ACVR1: variants seen among roughly 807,000 people sequenced by gnomAD.
ACVR1 encodes activin receptor type-1.
A neutral mutation model predicts 57.1 loss-of-function variants in ACVR1; 38 were observed. The ratio of observed to expected loss-of-function variants is 0.67; its 90% CI spans 0.51 to 0.87. The LOEUF (loss-of-function observed/expected upper bound fraction) is 0.87, where lower values mean the gene tolerates loss of function less well. Among genes scored for constraint, ACVR1 ranks in the 40% least tolerant of loss-of-function variants. ACVR1 has a pLI of 0.00. For missense variants in ACVR1, 463 were observed against 638.2 expected, an observed-to-expected ratio of 0.73 and a Z score of 2.96; for synonymous variants, 212 against 228.1, an observed-to-expected ratio of 0.93 and a Z score of 0.63.
chr2:157,758,638 A>C (rs535597754), intron 9 of ACVR1, among the ~76,000 whole-genome samples: 1 of 152,134 alleles, frequency 6.6e-6, no homozygotes, highest in African/African-American at 2.4e-5. Flanking sequence ...AGCACTGAAC[A>C]GATCATCTAG....
intron 3 of ACVR1, among the ~76,000 whole-genome samples, chr2:157,788,940 T>G (rs1477393937): frequency 2.6e-5 from 4 of 152,216 alleles, no homozygotes; most frequent in African/African-American, 9.6e-5. Flanking sequence ...AGGAATCCCA[T>G]GTCTTCAACC....
chr2:157,747,484 A>T (rs1685016912), intron 9 of ACVR1, among the ~76,000 whole-genome samples: 3 of 152,246 alleles, frequency 2.0e-5, no homozygotes, highest in African/African-American at 7.2e-5. Context: ...CATTTAAAAT[A>T]AAAACAGCCT....
chr2:157,790,462 T>A (rs974769573), intron 3 of ACVR1, among the ~76,000 whole-genome samples: 9 of 152,120 alleles, frequency 5.9e-5, no homozygotes, highest in Non-Finnish European at 1.0e-4. Context: ...TTATTGACAC[T>A]CCATGGCAAC....
intron 7 of ACVR1, among the ~76,000 whole-genome samples, chr2:157,767,940 A>G (rs1323813608): frequency 6.6e-6 from 1 of 152,178 alleles, no homozygotes; most frequent in Non-Finnish European, 1.5e-5. Context: ...TTTATATGCA[A>G]TCCTCCAAAA....
At chr2:157,759,842 C>T (rs1685574878) in intron 9 of ACVR1, among the ~76,000 whole-genome samples, 2 of 152,062 alleles carry the variant, frequency 1.3e-5, no homozygotes, top group South Asian at 2.1e-4. Context: ...AGACAAAAAC[C>T]TCATGATCAT....
At chr2:157,772,943 C>A (rs1485063593) in intron 6 of ACVR1, among the ~76,000 whole-genome samples, 1 of 152,234 alleles carries the variant, frequency 6.6e-6, no homozygotes, top group Non-Finnish European at 1.5e-5. Flanking sequence ...CTCTGCCCTT[C>A]CCCGTTTCTA....
At chr2:157,742,749 G>A (rs1411962086) in intron 9 of ACVR1, among the ~76,000 whole-genome samples, 4 of 152,070 alleles carry the variant, frequency 2.6e-5, no homozygotes, top group Non-Finnish European at 5.9e-5. Flanking sequence ...AGCATGAAAC[G>A]CCAGTAGCCT....
At chr2:157,737,765 G>C (rs1454555852) in intron 10 of ACVR1, 100 bp from the exon 11 acceptor site, 3 of 1,491,170 alleles carry the variant, frequency 2.0e-6, no homozygotes, top group African/African-American at 2.8e-5. Context: ...GAACTCGCAG[G>C]TCTTGTGAAA....
chr2:157,856,868 C>T (rs940842328), intron 1 of ACVR1, among the ~76,000 whole-genome samples: 2 of 152,192 alleles, frequency 1.3e-5, no homozygotes, highest in Non-Finnish European at 2.9e-5. Flanking sequence ...TTCAAGGTTA[C>T]ATGATCCATG....
At chr2:157,792,683 C>A (rs1174723649) in intron 3 of ACVR1, among the ~76,000 whole-genome samples, 1 of 152,160 alleles carries the variant, frequency 6.6e-6, no homozygotes, top group Admixed American at 6.5e-5. Flanking sequence ...GACAAGGTTT[C>A]TTTCTGTCTT....
At chr2:157,818,280 G>A (rs1321951474) in intron 2 of ACVR1, 105 bp downstream of exon 2, 1 of 152,186 alleles carries the variant, frequency 6.6e-6, no homozygotes, top group Non-Finnish European at 1.5e-5. Context: ...CTGTAGATTT[G>A]ATCTCTGCCA....
At chr2:157,866,369 G>C (rs999659353) in intron 1 of ACVR1, among the ~76,000 whole-genome samples, 1 of 152,116 alleles carries the variant, frequency 6.6e-6, no homozygotes, top group Non-Finnish European at 1.5e-5. Flanking sequence ...GGAGAAGAGA[G>C]AGGAGCTGAG....
chr2:157,803,869 A>AACTGTTTT (rs1489402569), intron 2 of ACVR1, among the ~76,000 whole-genome samples: 1 of 152,102 alleles, frequency 6.6e-6, no homozygotes, highest in African/African-American at 2.4e-5. Context: ...AATTTTTAAA[A>AACTGTTTT]TATTATATTC....
chr2:157,794,907 T>A (rs972474445), intron 3 of ACVR1, among the ~76,000 whole-genome samples: 1 of 151,950 alleles, frequency 6.6e-6, no homozygotes, highest in South Asian at 2.1e-4. Context: ...AATCACTGTT[T>A]AGAACTAATA....
At chr2:157,777,599 A>G (rs1308818954) in intron 5 of ACVR1, among the ~76,000 whole-genome samples, 1 of 152,192 alleles carries the variant, frequency 6.6e-6, no homozygotes, top group African/African-American at 2.4e-5. Context: ...ACATGTTTCT[A>G]TTGGACAACA....
intron 1 of ACVR1, among the ~76,000 whole-genome samples, chr2:157,828,393 T>G (rs1292723526): frequency 7.2e-6 from 1 of 138,816 alleles, no homozygotes; most frequent in African/African-American, 2.7e-5. Context: ...GAGCTTGCAG[T>G]GAGCCGAGAT....
chr2:157,839,807 G>A (rs747971437), intron 1 of ACVR1, among the ~76,000 whole-genome samples: 2 of 152,160 alleles, frequency 1.3e-5, no homozygotes, highest in Non-Finnish European at 2.9e-5. Flanking sequence ...AACACTGTAT[G>A]AGGTCCCAAG....
intron 1 of ACVR1, among the ~76,000 whole-genome samples, chr2:157,867,679 G>GT (rs11313997): frequency 5.4e-5 from 8 of 147,566 alleles, no homozygotes; most frequent in African/African-American, 2.0e-4. Context: ...TAGCAACCAT[G>GT]TTTTTTTTTT....
At chr2:157,778,518 A>G (rs1686382403) in intron 4 of ACVR1, among the ~76,000 whole-genome samples, 176 bp from the exon 5 acceptor site, 1 of 152,190 alleles carries the variant, frequency 6.6e-6, no homozygotes, top group African/African-American at 2.4e-5. Flanking sequence ...CATTTTAACC[A>G]TCATTCAATT....
Sources: allele counts gnomAD v4.1 joint callset (sites outside exome capture counted in the v4.1 genomes callset), GRCh38; gene constraint gnomAD v4.1.1; transcripts MANE v1.5; gene names NCBI Gene and HGNC (gene_info 2026-07-23, HGNC 2026-07-21).